ADAM12: variants seen among roughly 807,000 people sequenced by gnomAD.
ADAM12 encodes the protein ADAM metallopeptidase domain 12, also known as disintegrin and metalloproteinase domain-containing protein 12.
In ADAM12, 70 loss-of-function variants were observed where a neutral mutation model predicts 106.4. That is an observed-to-expected ratio of 0.66 (90% CI 0.54 to 0.80). ADAM12 has a LOEUF of 0.80. Among genes scored for constraint, ADAM12 ranks in the 30% least tolerant of loss-of-function variants. The pLI, the probability that ADAM12 is intolerant of heterozygous loss-of-function variation, is 0.00. For synonymous variants in ADAM12, 420 were observed against 433.5 expected (o/e 0.97, Z 0.39); for missense variants, 1,010 against 1,171.9 (o/e 0.86, Z 2.02).
chr10:126,069,213 C>A (rs1195401714), intron 12 of ADAM12, among the ~76,000 whole-genome samples: 1 of 152,082 alleles, frequency 6.6e-6, no homozygotes, highest in African/African-American at 2.4e-5. Context: ...CTGCCAAACA[C>A]AATTTGAGTT....
intron 14 of ADAM12, among the ~76,000 whole-genome samples, chr10:126,051,588 T>TCCATCCATCCATCCAGCCAG (rs1281562847): frequency 4.8e-5 from 6 of 124,406 alleles, no homozygotes; most frequent in Middle Eastern, 4.5e-3. Context: ...CATCCATCCA[T>TCCATCCATCCATCCAGCCAG]CCAGCCAGCC....
At chr10:126,121,121 A>G (rs866421098) in intron 5 of ADAM12, among the ~76,000 whole-genome samples, 2 of 36,452 alleles carry the variant, frequency 5.5e-5, no homozygotes, top group African/African-American at 2.2e-4. Context: ...GTATATATAT[A>G]GTATATATAC....
chr10:126,202,606 A>T (rs1488114994), intron 3 of ADAM12, among the ~76,000 whole-genome samples: 1 of 152,224 alleles, frequency 6.6e-6, no homozygotes, highest in Non-Finnish European at 1.5e-5. Context: ...CTTTCTCTCA[A>T]AATTACAGAT....
chr10:126,279,022 CGCTTG>C (rs1477753372), intron 2 of ADAM12, 34 bp from the exon 3 acceptor site: 1 of 1,556,930 alleles, frequency 6.4e-7, no homozygotes, highest in Non-Finnish European at 8.8e-7. Flanking sequence ...AGTTGAAAAA[CGCTTG>C]GCTTTGATTT....
chr10:126,079,432 G>T (rs1380436), intron 11 of ADAM12, among the ~76,000 whole-genome samples: 16,904 of 152,164 alleles, frequency 0.11, 1,125 homozygotes, highest in African/African-American at 0.17. Context: ...ACACCATGTG[G>T]CCTTTTGTGT....
At position 126,364,296 on chromosome 10, in the gene ADAM12, A is replaced by AATAATTTTTTTTTATAG. The variant is rs763859487; in HGVS notation, c.88+23761_88+23762insCTATAAAAAAAAATTAT. Reference sequence around the variant, plus strand: ...AAAGAGGAATTATTGCTGTTTGTACACATTTTTATAGCAATTCTTTATGTT... The same window carrying AATAATTTTTTTTTATAG: ...AAAGAGGAATTATTGCTGTTTGTACAATAATTTTTTTTTATAGCATTTTTATAGCAATTCTTTATGTT... On this transcript the variant is annotated intron_variant, in intron 1 of 22. Transcript: ENST00000448723. Among the ~76,000 whole-genome samples, 8 of 152,152 alleles carry AATAATTTTTTTTTATAG rather than the reference A, an allele frequency of 5.3e-5. No individual in the cohort carries two copies. The East Asian group carries it at 1.3e-3, about 26-fold the overall frequency.
Position 126,180,232 on chromosome 10 carries a change from G to A in ADAM12, c.261-24927C>T, listed in dbSNP as rs533187811. Among the ~76,000 whole-genome samples, 19 of 152,262 alleles carry A rather than the reference G, an allele frequency of 1.2e-4. 1 individual carries two copies. In the South Asian group the frequency reaches 3.5e-3, roughly 28 times the overall value. On this transcript the variant is annotated intron_variant, in intron 3 of 22. Transcript: ENST00000448723. ...ATCAAGAATGTCCGGAAGGTCATCC[G>A]CTTAGTAACCAGCCGGATTAAGGTT...
intron 18 of ADAM12, among the ~76,000 whole-genome samples, chr10:126,042,422 A>G (rs45535336): frequency 0.29 from 43,877 of 152,044 alleles, 6,669 homozygotes; most frequent in Middle Eastern, 0.41. Flanking sequence ...TGTAAATCTT[A>G]GCGAGATCAC....
chr10:126,071,747 A>AT, intron 11 of ADAM12, 93 bp from the exon 12 acceptor site: 1 of 1,393,300 alleles, frequency 7.2e-7, no homozygotes, highest in Non-Finnish European at 1.0e-6. Flanking sequence ...CACTGGCCAC[A>AT]TCTGCCCAGG....
At chr10:126,359,263 C>T (rs765917022) in intron 1 of ADAM12, among the ~76,000 whole-genome samples, 15 of 152,278 alleles carry the variant, frequency 9.9e-5, no homozygotes, top group Non-Finnish European at 1.6e-4. Context: ...CCTCCGAAAT[C>T]GCATGTCCTC....
chr10:126,186,844 G>A (rs17683203), intron 3 of ADAM12, among the ~76,000 whole-genome samples: 29,516 of 152,120 alleles, frequency 0.19, 3,403 homozygotes, highest in Middle Eastern at 0.27. Flanking sequence ...GATGGACAGC[G>A]AACAACACTT....
chr10:126,183,152 C>A (rs371550421), intron 3 of ADAM12, among the ~76,000 whole-genome samples: 6 of 152,308 alleles, frequency 3.9e-5, no homozygotes, highest in South Asian at 4.1e-4. Flanking sequence ...CTTCCCATCA[C>A]CCCCAGATGG....
intron 1 of ADAM12, among the ~76,000 whole-genome samples, chr10:126,350,570 A>G (rs1407617746): frequency 6.6e-6 from 1 of 152,216 alleles, no homozygotes; most frequent in East Asian, 1.9e-4. Context: ...GACTCTGTCC[A>G]TCTCTTGGAG....
chr10:126,023,191 T>TA (rs1163076021), intron 21 of ADAM12, among the ~76,000 whole-genome samples: 1 of 152,168 alleles, frequency 6.6e-6, no homozygotes, highest in African/African-American at 2.4e-5. Flanking sequence ...TACCTCTAGC[T>TA]AAAAACAATT....
At chr10:126,276,845 A>G (rs1039463927) in intron 3 of ADAM12, among the ~76,000 whole-genome samples, 4 of 152,222 alleles carry the variant, frequency 2.6e-5, no homozygotes, top group African/African-American at 9.6e-5. Flanking sequence ...CACCTTTTAA[A>G]ACGATATTTA....
chr10:126,230,621 TTTTCA>T (rs1472449661), intron 3 of ADAM12, among the ~76,000 whole-genome samples: 1 of 152,220 alleles, frequency 6.6e-6, no homozygotes, highest in Non-Finnish European at 1.5e-5. Flanking sequence ...CTCATTTGAA[TTTTCA>T]TTTAAGTATA....
Position 126,339,481 on chromosome 10 carries a change from C to T in ADAM12, c.89-8972G>A, listed in dbSNP as rs116586589. Among the ~76,000 whole-genome samples, 343 of 152,242 alleles carry T rather than the reference C, an allele frequency of 2.3e-3. 5 individuals carry two copies. Among genetic ancestry groups the T allele is most frequent in the African/African-American group, 7.3e-3 (302 of 41,538 alleles). On this transcript the variant is annotated intron_variant, in intron 1 of 22. Transcript: ENST00000448723. ...TTACAAAACTCCAGTTGGTGTTTTG[C>T]GCTTTGCTTTTGTTCTTTTGTCTTC...
In ADAM12 at chr10:126,043,059, G is replaced by A. The variant is rs778205214; in HGVS notation, c.2085C>T (p.Ser695=). ...ACTGACCTGCTTGCCGGATGGGGCC[G>A]CTGTCTGTGCTTCCTCCAAAGCCAA... ...DKFGFGGSTD[S]GPIRQADNQG... The change falls in exon 18 of 23, where the codon AGC becomes AGT. Residue 695 remains serine, a synonymous_variant. Transcript: ENST00000448723. The surrounding 1 kb of genome is among the most constrained non-coding windows in gnomAD (Gnocchi z 4.1). The A allele has an allele frequency of 1.8e-5, 29 of 1,614,012 alleles. No homozygotes were observed. The East Asian group carries it at 3.3e-4, about 19-fold the overall frequency.
intron 5 of ADAM12, among the ~76,000 whole-genome samples, chr10:126,129,184 G>A (rs148019399): frequency 6.6e-6 from 1 of 152,342 alleles, no homozygotes; most frequent in East Asian, 1.9e-4. Flanking sequence ...GAAGACTTGG[G>A]GCTCATTCCA....
Sources: allele counts gnomAD v4.1 joint callset (sites outside exome capture counted in the v4.1 genomes callset), GRCh38; gene constraint gnomAD v4.1.1; non-coding constraint Gnocchi (gnomAD v3.1); transcripts MANE v1.5; gene names NCBI Gene and HGNC (gene_info 2026-07-23, HGNC 2026-07-21).